The following KIF24 variants were observed in gnomAD, a reference collection of about 807,000 sequenced individuals.
The protein encoded by KIF24 is kinesin family member 24.
KIF24 carries 81 observed loss-of-function variants against 118.9 expected under a neutral mutation model. The observed-to-expected ratio is 0.68, with a 90% CI of 0.57 to 0.82. The LOEUF is 0.82. Among genes scored for constraint, KIF24 ranks in the 40% least tolerant of loss-of-function variants. The probability of loss-of-function intolerance (pLI) is 0.00; values close to 1 mark genes in which losing one functional copy is unlikely to be tolerated. For synonymous variants in KIF24, 599 were observed against 610.0 expected, an observed-to-expected ratio of 0.98 and a Z score of 0.27; for missense variants, 1,560 against 1,661.6, an observed-to-expected ratio of 0.94 and a Z score of 1.06.
intron 3 of KIF24, among the ~76,000 whole-genome samples, chr9:34,297,611 A>C (rs575651705): frequency 1.8e-4 from 27 of 152,184 alleles, no homozygotes; most frequent in African/African-American, 6.3e-4. Flanking sequence ...AAATACAAAA[A>C]TTTAGCCGGG....
intron 1 of KIF24, among the ~76,000 whole-genome samples, chr9:34,316,073 C>T (rs781546305): frequency 5.3e-5 from 8 of 151,886 alleles, no homozygotes; most frequent in Admixed American, 1.3e-4. Flanking sequence ...CATTATCGGC[C>T]GGGCGTGGGG....
At chr9:34,295,181 T>TTGGATGGA (rs1428090963) in intron 4 of KIF24, among the ~76,000 whole-genome samples, 1 of 132,882 alleles carries the variant, frequency 7.5e-6, no homozygotes, top group Non-Finnish European at 1.6e-5. Flanking sequence ...GGTAGGTGGA[T>TTGGATGGA]TGGATGGATG....
chr9:34,315,054 G>T (rs1252973027), intron 1 of KIF24, among the ~76,000 whole-genome samples: 1 of 152,090 alleles, frequency 6.6e-6, no homozygotes, highest in African/African-American at 2.4e-5. Context: ...GGGTGATTAT[G>T]GGAAGGAAAC....
At chr9:34,278,151 G>GT (rs113168567) in intron 6 of KIF24, among the ~76,000 whole-genome samples, 2 of 152,056 alleles carry the variant, frequency 1.3e-5, no homozygotes, top group African/African-American at 4.8e-5. Flanking sequence ...GCTCACGTCT[G>GT]TAATCCCAGC....
In KIF24 at chr9:34,284,465, A is replaced by C. The variant is rs1447546028; in HGVS notation, c.1215+2152T>G. Among the ~76,000 whole-genome samples the C allele has an allele frequency of 2.0e-5, 3 of 152,250 alleles. No homozygotes were observed. In the East Asian group the frequency reaches 5.8e-4, roughly 29 times the overall value. On this transcript the variant is annotated intron_variant, in intron 6 of 12. Transcript: ENST00000402558. ...TTGTTTATTAACAGGAGAATGGATA[A>C]ATTGTGGTATATTCCTATGATAAAA... is the stretch of plus-strand genomic sequence containing the variant.
intron 3 of KIF24, among the ~76,000 whole-genome samples, chr9:34,302,187 G>C (rs1836744277): frequency 6.6e-6 from 1 of 151,550 alleles, no homozygotes; most frequent in South Asian, 2.1e-4. Flanking sequence ...GTAGAGACGA[G>C]GTTTCACTGT....
chr9:34,278,891 G>A (rs1279100144), intron 6 of KIF24, among the ~76,000 whole-genome samples: 1 of 152,154 alleles, frequency 6.6e-6, no homozygotes, highest in African/African-American at 2.4e-5. Context: ...CTGAGATAGA[G>A]GATCACTTGA....
intron 1 of KIF24, among the ~76,000 whole-genome samples, chr9:34,314,231 T>C (rs955823449): frequency 1.2e-4 from 18 of 152,004 alleles, no homozygotes; most frequent in Non-Finnish European, 2.1e-4. Context: ...TGGTGCAATC[T>C]TGGCTCACTG....
rs1159647434 is a variant in KIF24 at position 34,254,136 on chromosome 9, G to C, written c.*244C>G. The stretch of plus-strand genomic sequence containing the variant: ...CTCTAGGCACAAGGGAAAGGCATTA[G>C]GTTCTTCGGCCTGGCCCACCCTTGG... On this transcript the variant is annotated 3_prime_UTR_variant, in exon 13 of 13. Coordinates refer to ENST00000402558, the MANE Select transcript of KIF24 (RefSeq NM_194313.4). 4 of 399,712 alleles carry C rather than the reference G, an allele frequency of 1.0e-5. No homozygotes were observed. Among genetic ancestry groups the C allele is most frequent in the Non-Finnish European group, 1.8e-5 (4 of 225,132 alleles). 24.8% of individuals were successfully genotyped at this position (399,712 alleles called of 1,614,324 possible). A position where few individuals can be genotyped will look rare whatever the true frequency, so the allele number is the denominator to read the frequency against.
At chr9:34,267,164 A>G (rs989285186) in intron 8 of KIF24, among the ~76,000 whole-genome samples, 11 of 152,180 alleles carry the variant, frequency 7.2e-5, no homozygotes, top group African/African-American at 2.7e-4. Flanking sequence ...TGGAACTCTT[A>G]ATAAAATAAT....
At chr9:34,255,029 C>A in intron 12 of KIF24, 43 bp downstream of exon 12, 1 of 1,321,968 alleles carries the variant, frequency 7.6e-7, no homozygotes, top group Non-Finnish European at 1.1e-6. Flanking sequence ...TAGCTGCAGG[C>A]TAATTCCCAA....
rs1201664145 is a variant in KIF24, at chr9:34,256,952, C to T, written c.2655G>A (p.Lys885=). 3 of 1,614,006 alleles carry T rather than the reference C, an allele frequency of 1.9e-6. No homozygotes were observed. The highest frequency in any genetic ancestry group is 2.5e-6 in the Non-Finnish European group (3 of 1,179,908). ...CCACCCAGCTTTTAGTTAGATCTTT[C>T]TTGTCACCTGTCCTGGGGCTAGAAA... The part of the protein sequence containing the change: ...SLFSSPRTGD[K]KDLTKSWVDS... Residue 885 remains lysine (K), a synonymous_variant, in exon 11 of 13, where the codon AAG becomes AAA. Transcript: ENST00000402558.
chr9:34,254,670 G>T (rs1834750678), intron 12 of KIF24, 150 bp from the exon 13 acceptor site: 2 of 759,506 alleles, frequency 2.6e-6, no homozygotes, highest in South Asian at 3.4e-5. Flanking sequence ...TATGGCACAG[G>T]GTGGGGCCTG....
At chr9:34,299,326 G>A (rs543196984) in intron 3 of KIF24, among the ~76,000 whole-genome samples, 3 of 151,772 alleles carry the variant, frequency 2.0e-5, no homozygotes, top group Non-Finnish European at 2.9e-5. Flanking sequence ...GATTACAGGC[G>A]CCCGCCACCA....
rs748408039 is a variant in KIF24 at position 34,319,488 on chromosome 9, A to G, written c.-25-8117T>C. 2.3e-6 allele frequency: 3 copies of G among 1,290,130 alleles called. No homozygotes were observed. In the African/African-American group the frequency reaches 4.4e-5, roughly 19 times the overall value. The allele number at this position is 1,290,130 out of a possible 1,614,324, so 79.9% of individuals were successfully genotyped here. A position where few individuals can be genotyped will look rare whatever the true frequency, so the allele number is the denominator to read the frequency against. On this transcript the variant is annotated intron_variant, in intron 1 of 12. Transcript: ENST00000402558. ...CGCCTTTGAGTTGGACACAGACGGC[A>G]ACTCCTTTGACCAGGACATCTATGG...
intron 3 of KIF24, among the ~76,000 whole-genome samples, chr9:34,304,849 T>C (rs1003201919): frequency 2.6e-5 from 4 of 152,208 alleles, no homozygotes; most frequent in African/African-American, 7.2e-5. Flanking sequence ...TTTATTCCAC[T>C]AATGTAAGAT....
intron 7 of KIF24, among the ~76,000 whole-genome samples, chr9:34,270,968 ACCT>A (rs1835482307): frequency 1.3e-5 from 2 of 150,356 alleles, no homozygotes; most frequent in Non-Finnish European, 3.0e-5. Context: ...GGTGGTCCAT[ACCT>A]GTAGTCCCAG....
intron 1 of KIF24, among the ~76,000 whole-genome samples, chr9:34,314,256 C>T (rs1478944285): frequency 6.6e-6 from 1 of 151,752 alleles, no homozygotes; most frequent in Non-Finnish European, 1.5e-5. Context: ...CTCCGCCTCC[C>T]GAGTTCAAGC....
chr9:34,259,027 C>A (rs1167830320), intron 10 of KIF24, among the ~76,000 whole-genome samples: 4 of 152,134 alleles, frequency 2.6e-5, no homozygotes, highest in Non-Finnish European at 4.4e-5. Flanking sequence ...TGGAAGGGAT[C>A]CCAGCAGATA....
Sources: allele counts gnomAD v4.1 joint callset (sites outside exome capture counted in the v4.1 genomes callset), GRCh38; gene constraint gnomAD v4.1.1; transcripts MANE v1.5; gene names NCBI Gene and HGNC (gene_info 2026-07-23, HGNC 2026-07-21).